Variants in E2F3 observed in about 807,000 individuals in gnomAD.
E2F3 encodes E2F transcription factor 3.
A neutral mutation model predicts 44.4 loss-of-function variants in E2F3; 11 were observed. That is an observed-to-expected ratio of 0.25 (90% CI 0.16 to 0.41). The LOEUF is 0.41. Ranked by LOEUF, E2F3 falls within the 10% of genes least tolerant of loss-of-function variation. The pLI is 1.00. For synonymous variants in E2F3, 249 were observed against 253.0 expected, an observed-to-expected ratio of 0.98 and a Z score of 0.15; for missense variants, 487 against 583.6, an observed-to-expected ratio of 0.83 and a Z score of 1.70.
Position 20,402,554 on chromosome 6 carries a change from A to T in E2F3, c.322A>T (p.Ser108Cys). 1 of 1,571,220 alleles carries T rather than the reference A, an allele frequency of 6.4e-7. No individual in the cohort carries two copies. The highest frequency in any genetic ancestry group is 8.6e-7 in the Non-Finnish European group (1 of 1,169,274). Residue 108 changes from serine (S) to cysteine (C), a missense_variant, in exon 1 of 7, where the codon AGC (serine) becomes TGC (cysteine). By Grantham distance (112) the Ser-to-Cys change is moderately radical. Transcript: ENST00000346618. The surrounding 1 kb of genome is among the most constrained non-coding windows in gnomAD (Gnocchi z 5.6). Reference protein sequence around the residue: ...LLYTTPHGPSSRAGLLQQPPA... With the variant: ...LLYTTPHGPSCRAGLLQQPPA... The stretch of plus-strand genomic sequence containing the variant: ...CTACACCACGCCGCACGGACCCTCC[A>T]GCAGAGCCGGGCTGCTGCAGCAGCC...
rs777471283 is a variant in E2F3, at chr6:20,412,730, G to A, written c.393+10105G>A. 7.2e-4 allele frequency among the ~76,000 whole-genome samples: 110 copies of A among 152,258 alleles called. 1 individual carries two copies. The highest frequency in any genetic ancestry group is 5.4e-4 in the Non-Finnish European group (37 of 68,010). ...GCAGTGGGTGCCAGAGGGGATGGCA[G>A]GCCTTGTGTTTTGCCAGGTCTTCAA... On this transcript the variant is annotated intron_variant, in intron 1 of 6. Coordinates refer to ENST00000346618, the MANE Select transcript of E2F3 (RefSeq NM_001949.5).
At chr6:20,432,198 C>G (rs1760424763) in intron 1 of E2F3, among the ~76,000 whole-genome samples, 1 of 152,368 alleles carries the variant, frequency 6.6e-6, no homozygotes, top group Non-Finnish European at 1.5e-5. Flanking sequence ...ACAAGCTACC[C>G]CAACATAATT....
chr6:20,402,343 A>G lies in E2F3; in HGVS notation c.111A>G (p.Ala37=), dbSNP rs373437809. Residue 37 remains alanine (A), a synonymous_variant, in exon 1 of 7, where the codon GCA becomes GCG. Coordinates refer to ENST00000346618, the MANE Select transcript of E2F3 (RefSeq NM_001949.5). This position sits in a 1 kb window ranked among gnomAD's most constrained non-coding sequence, Gnocchi z 5.6. Reference sequence around the variant, plus strand: ...CTGCAGCCTCCATGGACAAAAGGGCACTGCTAGCCAGCCCCGGCTTCGCCG... The same window carrying G: ...CTGCAGCCTCCATGGACAAAAGGGCGCTGCTAGCCAGCCCCGGCTTCGCCG... ...AAAAASMDKR[A]LLASPGFAAA... is the part of the protein sequence containing the mutation. 19 of 1,608,516 alleles carry G rather than the reference A, an allele frequency of 1.2e-5. No homozygotes were observed. Among genetic ancestry groups the G allele is most frequent in the African/African-American group, 1.1e-4 (8 of 74,394 alleles).
intron 1 of E2F3, among the ~76,000 whole-genome samples, chr6:20,423,872 G>A (rs796572657): frequency 6.6e-6 from 1 of 152,010 alleles, no homozygotes; most frequent in Non-Finnish European, 1.5e-5. Context: ...GAGTTCAACC[G>A]ATTCTCCTGC....
intron 1 of E2F3, chr6:20,445,237 T>A: frequency 1.3e-6 from 1 of 789,456 alleles, no homozygotes; most frequent in Non-Finnish European, 1.5e-6. Context: ...AGAATGTGTA[T>A]ATTTTCTCCC....
At chr6:20,426,506 C>G (rs1561855099) in intron 1 of E2F3, among the ~76,000 whole-genome samples, 1 of 151,228 alleles carries the variant, frequency 6.6e-6, no homozygotes. Flanking sequence ...CACTTGCCGC[C>G]CCAATCTTGT....
chr6:20,476,685 G>A (rs548647258), intron 1 of E2F3, among the ~76,000 whole-genome samples: 11 of 152,356 alleles, frequency 7.2e-5, no homozygotes, highest in Non-Finnish European at 1.3e-4. Flanking sequence ...ACCTGTTCGC[G>A]GTGGGGGCGG....
rs181810733 is a variant in E2F3, at chr6:20,484,793, A to T, written c.884+1873A>T. Among the ~76,000 whole-genome samples the T allele has an allele frequency of 2.2e-4, 33 of 152,248 alleles. No homozygotes were observed. In the East Asian group the frequency reaches 4.8e-3, roughly 22 times the overall value. On this transcript the variant is annotated intron_variant, in intron 4 of 6. Transcript: ENST00000346618. Reference sequence around the variant, plus strand: ...TCCATAGCTGCATTCAGTTTCTAATAAGAAGCTACTACAGCCAGGCACGGT... The same window carrying T: ...TCCATAGCTGCATTCAGTTTCTAATTAGAAGCTACTACAGCCAGGCACGGT...
chr6:20,481,766 GT>G (rs1357143947), intron 3 of E2F3, among the ~76,000 whole-genome samples: 1 of 152,110 alleles, frequency 6.6e-6, no homozygotes, highest in African/African-American at 2.4e-5. Context: ...TCTGACAGAT[GT>G]GTACACGTCT....
intron 1 of E2F3, among the ~76,000 whole-genome samples, chr6:20,468,565 C>T (rs1761789916): frequency 6.6e-6 from 1 of 152,162 alleles, no homozygotes; most frequent in Admixed American, 6.5e-5. Context: ...TTTTGGGAAG[C>T]TTCATTATGT....
chr6:20,411,338 C>G (rs1049731506), intron 1 of E2F3, among the ~76,000 whole-genome samples: 1 of 152,006 alleles, frequency 6.6e-6, no homozygotes, highest in Non-Finnish European at 1.5e-5. Flanking sequence ...CAAGGCAGGG[C>G]GGGGGGTTGT....
At chr6:20,431,933 G>A (rs1760413732) in intron 1 of E2F3, among the ~76,000 whole-genome samples, 2 of 152,214 alleles carry the variant, frequency 1.3e-5, no homozygotes, top group Admixed American at 1.3e-4. Context: ...GGCCGCTCTC[G>A]GCTCCAAGAT....
intron 4 of E2F3, among the ~76,000 whole-genome samples, chr6:20,485,299 C>T (rs1233784972): frequency 2.6e-5 from 4 of 152,112 alleles, no homozygotes; most frequent in South Asian, 2.1e-4. Context: ...TGACCAAGGC[C>T]GGGCGCCGTG....
In E2F3 at chr6:20,481,386, A is replaced by C; in HGVS notation, c.686A>C (p.His229Pro). The change falls in exon 3 of 7, where the codon CAC becomes CCC. Residue 229 changes from histidine (H) to proline (P), a missense_variant. By Grantham distance (77) the His-to-Pro change is moderately conservative. Transcript: ENST00000346618. ...ATCACCAACGTTCTGGAAGGCATCC[A>C]CCTCATTAAGAAGAAGTCTAAAAAC... ...YDITNVLEGI[H>P]LIKKKSKNNV... 1 of 1,614,094 alleles carries C rather than the reference A, an allele frequency of 6.2e-7. No homozygotes were observed. Among genetic ancestry groups the C allele is most frequent in the Non-Finnish European group, 8.5e-7 (1 of 1,180,030 alleles).
intron 1 of E2F3, among the ~76,000 whole-genome samples, chr6:20,425,836 A>C (rs186167581): frequency 6.6e-6 from 1 of 152,200 alleles, no homozygotes; most frequent in African/African-American, 2.4e-5. Context: ...ATTACCTAAC[A>C]GTTTGAGCCC....
intron 1 of E2F3, chr6:20,445,100 G>T: frequency 1.0e-6 from 1 of 985,412 alleles, no homozygotes; most frequent in Non-Finnish European, 1.2e-6. Context: ...CTGGAGAGTC[G>T]AGAGCGGGTC....
chr6:20,475,426 G>T (rs554884062), intron 1 of E2F3, among the ~76,000 whole-genome samples: 1 of 152,222 alleles, frequency 6.6e-6, no homozygotes, highest in African/African-American at 2.4e-5. Flanking sequence ...CTGCTGACCA[G>T]TGGGTGGTTC....
chr6:20,453,393 T>C (rs1300516517), intron 1 of E2F3, among the ~76,000 whole-genome samples: 2 of 152,088 alleles, frequency 1.3e-5, no homozygotes, highest in Non-Finnish European at 2.9e-5. Flanking sequence ...CTGTTAAGTA[T>C]GGATTCAAGT....
intron 1 of E2F3, among the ~76,000 whole-genome samples, chr6:20,417,189 T>C (rs1759875880): frequency 6.6e-6 from 1 of 152,192 alleles, no homozygotes; most frequent in Admixed American, 6.5e-5. Context: ...TAGCTCTCCT[T>C]TGTATGTCTG....
Sources: allele counts gnomAD v4.1 joint callset (sites outside exome capture counted in the v4.1 genomes callset), GRCh38; gene constraint gnomAD v4.1.1; non-coding constraint Gnocchi (gnomAD v3.1); transcripts MANE v1.5; gene names NCBI Gene and HGNC (gene_info 2026-07-23, HGNC 2026-07-21).